Variants in DOCK10 observed in about 807,000 individuals in gnomAD.
DOCK10 encodes dedicator of cytokinesis protein 10.
Under a neutral mutation model 280.1 loss-of-function variants are expected in DOCK10, and 145 were observed. The observed-to-expected ratio is 0.52, with a 90% CI of 0.45 to 0.59. The LOEUF is 0.59. DOCK10 is among the 20% of genes least tolerant of loss of function. The pLI, the probability that DOCK10 is intolerant of heterozygous loss-of-function variation, is 0.00. For missense variants in DOCK10, 2,368 were observed against 2,651.7 expected (o/e 0.89, Z 2.35); for synonymous variants, 915 against 942.2 (o/e 0.97, Z 0.53).
intron 53 of DOCK10, among the ~76,000 whole-genome samples, chr2:224,772,482 C>T (rs75673950): frequency 0.017 from 2,605 of 152,230 alleles, 68 homozygotes; most frequent in African/African-American, 0.058. Flanking sequence ...GCCTCCCTAT[C>T]GCTAGCTGAA....
intron 7 of DOCK10, among the ~76,000 whole-genome samples, chr2:224,877,940 C>G (rs1698742640): frequency 1.3e-5 from 2 of 152,118 alleles, no homozygotes; most frequent in Admixed American, 1.3e-4. Flanking sequence ...TCAATATGTT[C>G]TAAAACCTGT....
chr2:224,860,512 G>A (rs1241914620), intron 14 of DOCK10: 1 of 151,910 alleles, frequency 6.6e-6, no homozygotes, highest in Non-Finnish European at 1.5e-5. Flanking sequence ...GATAAAGTCA[G>A]GTTATAAGTA....
intron 33 of DOCK10, among the ~76,000 whole-genome samples, chr2:224,806,531 T>C (rs937372605): frequency 6.6e-6 from 1 of 152,200 alleles, no homozygotes; most frequent in African/African-American, 2.4e-5. Flanking sequence ...GATCACATTA[T>C]AGATATAATT....
chr2:224,825,485 A>C (rs911082963), intron 27 of DOCK10, among the ~76,000 whole-genome samples: 2 of 152,238 alleles, frequency 1.3e-5, no homozygotes, highest in Admixed American at 1.3e-4. Context: ...ATTCACCTAC[A>C]AAAAGCAACA....
chr2:224,879,148 G>A (rs1464718912), intron 7 of DOCK10, among the ~76,000 whole-genome samples: 2 of 152,348 alleles, frequency 1.3e-5, no homozygotes, highest in South Asian at 2.1e-4. Flanking sequence ...TGACTGCAGT[G>A]TAAACAAAGT....
chr2:224,796,258 A>G, intron 44 of DOCK10, 58 bp downstream of exon 44: 1 of 1,056,694 alleles, frequency 9.5e-7, no homozygotes, highest in South Asian at 1.4e-5. Context: ...TCTCACAAAA[A>G]GAATCCACTT....
At chr2:224,905,979 A>G (rs974394061) in intron 3 of DOCK10, among the ~76,000 whole-genome samples, 1 of 151,960 alleles carries the variant, frequency 6.6e-6, no homozygotes, top group Non-Finnish European at 1.5e-5. Context: ...TGTGCTCCAG[A>G]CCTATGTATT....
At chr2:224,840,628 T>A (rs1042542211) in intron 23 of DOCK10, among the ~76,000 whole-genome samples, 1 of 151,840 alleles carries the variant, frequency 6.6e-6, no homozygotes, top group African/African-American at 2.4e-5. Flanking sequence ...TTGGAGAGGG[T>A]GTGGAGGAGA....
At chr2:224,853,304 C>T (rs567681653) in intron 16 of DOCK10, among the ~76,000 whole-genome samples, 182 bp from the exon 17 acceptor site, 40 of 152,218 alleles carry the variant, frequency 2.6e-4, no homozygotes, top group Middle Eastern at 6.8e-3. Context: ...TAACAAGCTA[C>T]GTATTTAATA....
At chr2:224,914,135 T>C (rs1475249977) in intron 3 of DOCK10, among the ~76,000 whole-genome samples, 1 of 152,242 alleles carries the variant, frequency 6.6e-6, no homozygotes, top group Non-Finnish European at 1.5e-5. Context: ...TCTTCCAAAA[T>C]GGATAGTTGA....
intron 6 of DOCK10, 75 bp downstream of exon 6, chr2:224,885,988 C>G: frequency 1.9e-6 from 3 of 1,596,920 alleles, no homozygotes; most frequent in Non-Finnish European, 2.6e-6. Context: ...AAATGGCTCT[C>G]TTCTGTGCTG....
At chr2:224,906,829 G>A (rs994536579) in intron 3 of DOCK10, among the ~76,000 whole-genome samples, 3 of 152,170 alleles carry the variant, frequency 2.0e-5, no homozygotes, top group South Asian at 2.1e-4. Context: ...AGAGTGTGTC[G>A]TAGAAATCTA....
At chr2:224,923,851 C>A (rs899703778) in intron 2 of DOCK10, among the ~76,000 whole-genome samples, 1 of 152,184 alleles carries the variant, frequency 6.6e-6, no homozygotes, top group Admixed American at 6.5e-5. Flanking sequence ...TCCCTGAATG[C>A]TGTTATTTAC....
At chr2:224,908,469 C>T (rs887761636) in intron 3 of DOCK10, among the ~76,000 whole-genome samples, 3 of 148,564 alleles carry the variant, frequency 2.0e-5, no homozygotes, top group Non-Finnish European at 4.5e-5. Flanking sequence ...GTAGATGTGG[C>T]TGTAGAGATA....
intron 1 of DOCK10, among the ~76,000 whole-genome samples, chr2:225,033,343 C>T (rs532381318): frequency 8.5e-5 from 13 of 152,056 alleles, no homozygotes; most frequent in Admixed American, 7.9e-4. Flanking sequence ...CCACCACGCC[C>T]GGCTAATTTT....
At chr2:224,966,441 T>G (rs1318512409) in intron 1 of DOCK10, among the ~76,000 whole-genome samples, 2 of 152,176 alleles carry the variant, frequency 1.3e-5, no homozygotes, top group Non-Finnish European at 2.9e-5. Context: ...CTTCATGGCC[T>G]GTTAAGATTT....
At chr2:224,860,598 T>C (rs1697438417) in intron 14 of DOCK10, 1 of 152,056 alleles carries the variant, frequency 6.6e-6, no homozygotes, top group South Asian at 2.1e-4. Flanking sequence ...GGTCTCACTC[T>C]GTTGCCCAGG....
At chr2:224,797,694 A>C (rs1692680326) in intron 42 of DOCK10, 138 bp downstream of exon 42, 2 of 937,750 alleles carry the variant, frequency 2.1e-6, no homozygotes, top group Non-Finnish European at 3.2e-6. Context: ...CCAGGAATCA[A>C]TGTCTAATAA....
intron 1 of DOCK10, among the ~76,000 whole-genome samples, chr2:224,960,730 CTTTT>C (rs71281764): frequency 2.8e-5 from 2 of 70,252 alleles, no homozygotes; most frequent in African/African-American, 5.4e-5. Context: ...TCACCAAATT[CTTTT>C]TTTTTTTTTT....
Sources: allele counts gnomAD v4.1 joint callset (sites outside exome capture counted in the v4.1 genomes callset), GRCh38; gene constraint gnomAD v4.1.1; transcripts MANE v1.5; gene names NCBI Gene and HGNC (gene_info 2026-07-23, HGNC 2026-07-21).